ZBTB20: variants seen among roughly 807,000 people sequenced by gnomAD.
ZBTB20 encodes zinc finger and BTB domain containing 20, also known as zinc finger and BTB domain-containing protein 20.
Under a neutral mutation model 56.9 loss-of-function variants are expected in ZBTB20, and 9 were observed. The ratio of observed to expected loss-of-function variants is 0.16; its 90% CI spans 0.10 to 0.28. The LOEUF (loss-of-function observed/expected upper bound fraction) is 0.28, where lower values mean the gene tolerates loss of function less well. Among genes scored for constraint, ZBTB20 ranks in the 10% least tolerant of loss-of-function variants. The pLI is 1.00. For missense variants in ZBTB20, 655 were observed against 1,003.0 expected (o/e 0.65, Z 4.69); for synonymous variants, 417 against 420.7 (o/e 0.99, Z 0.11).
At chr3:114,550,605 A>T (rs556878473) in intron 6 of ZBTB20, among the ~76,000 whole-genome samples, 2 of 152,308 alleles carry the variant, frequency 1.3e-5, no homozygotes, top group East Asian at 3.9e-4. Context: ...GGTTGTCTTT[A>T]AAGATTCTCA....
At chr3:115,029,173 C>T (rs1312760357) in intron 2 of ZBTB20, among the ~76,000 whole-genome samples, 1 of 150,614 alleles carries the variant, frequency 6.6e-6, no homozygotes, top group Non-Finnish European at 1.5e-5. Flanking sequence ...GAAACTAACA[C>T]TACAAGAAAA....
intron 4 of ZBTB20, among the ~76,000 whole-genome samples, chr3:114,816,302 C>A (rs2072912885): frequency 6.6e-6 from 1 of 152,124 alleles, no homozygotes; most frequent in South Asian, 2.1e-4. Context: ...AATTTATTTA[C>A]ATTTTAATAA....
chr3:114,478,042 G>A (rs977265150), intron 7 of ZBTB20, among the ~76,000 whole-genome samples: 4 of 145,916 alleles, frequency 2.7e-5, no homozygotes, highest in East Asian at 2.1e-4. Flanking sequence ...GTGCAATGGC[G>A]CGATCTTGGC....
At chr3:114,728,694 C>CA (rs2065490284) in intron 5 of ZBTB20, among the ~76,000 whole-genome samples, 1 of 152,122 alleles carries the variant, frequency 6.6e-6, no homozygotes, top group South Asian at 2.1e-4. Flanking sequence ...TTTAGTTAGA[C>CA]TGAAAGAAAG....
At chr3:114,884,998 G>GA (rs2076546985) in intron 4 of ZBTB20, among the ~76,000 whole-genome samples, 1 of 152,148 alleles carries the variant, frequency 6.6e-6, no homozygotes, top group Non-Finnish European at 1.5e-5. Flanking sequence ...TCTGCTTTCA[G>GA]AAATAACAAA....
intron 2 of ZBTB20, among the ~76,000 whole-genome samples, chr3:115,063,937 T>C (rs1187920118): frequency 6.6e-6 from 1 of 152,210 alleles, no homozygotes; most frequent in Non-Finnish European, 1.5e-5. Context: ...ATCAGTGAAG[T>C]AATATTTTTG....
chr3:114,918,825 G>C (rs2075843605), intron 3 of ZBTB20, among the ~76,000 whole-genome samples: 1 of 152,160 alleles, frequency 6.6e-6, no homozygotes, highest in South Asian at 2.1e-4. Context: ...GCATTGCTTG[G>C]TGTCAGAGGA....
chr3:114,614,094 C>A (rs985523063), intron 6 of ZBTB20, among the ~76,000 whole-genome samples: 1 of 152,176 alleles, frequency 6.6e-6, no homozygotes, highest in Non-Finnish European at 1.5e-5. Context: ...TCACTCTTAA[C>A]CACACTGCTC....
rs1298253540 is a variant in ZBTB20 at position 114,546,794 on chromosome 3, C to T, written c.-294-46403G>A. On this transcript the variant is annotated intron_variant, in intron 6 of 11. Coordinates refer to ENST00000675478, the MANE Select transcript of ZBTB20 (RefSeq NM_001348800.3). ...ACTGCACAGCACTTATAGACCAACA[C>T]AAAAGTGTGTACACACAGTGTACAA... is the stretch of plus-strand genomic sequence containing the variant. Among the ~76,000 whole-genome samples the T allele has an allele frequency of 2.0e-5, 3 of 152,024 alleles. No homozygotes were observed. In the East Asian group the frequency reaches 5.8e-4, roughly 29 times the overall value.
chr3:114,560,421 C>T (rs550302060), intron 6 of ZBTB20, among the ~76,000 whole-genome samples: 1 of 152,230 alleles, frequency 6.6e-6, no homozygotes, highest in South Asian at 2.1e-4. Flanking sequence ...CTTAATCCTC[C>T]CAGCAACTAT....
chr3:114,393,956 C>A (rs539987639), intron 7 of ZBTB20, among the ~76,000 whole-genome samples: 1 of 152,270 alleles, frequency 6.6e-6, no homozygotes, highest in East Asian at 1.9e-4. Flanking sequence ...AATACACTGC[C>A]ACATATCAAT....
At position 114,503,039 on chromosome 3, in the gene ZBTB20, A is replaced by AG. The variant is rs760489326; in HGVS notation, c.-294-2649dup. On this transcript the variant is annotated intron_variant, in intron 6 of 11. Transcript: ENST00000675478. The stretch of plus-strand genomic sequence containing the variant: ...ACATAACTTTCTTTTCTAAATTTCA[A>AG]GGTGCATTTATTCATAAAATTAGTT... Among the ~76,000 whole-genome samples, 18 of 152,256 alleles carry AG rather than the reference A, an allele frequency of 1.2e-4. No individual in the cohort carries two copies. The East Asian group carries it at 3.1e-3, about 26-fold the overall frequency.
intron 5 of ZBTB20, among the ~76,000 whole-genome samples, chr3:114,704,623 G>A (rs2063599797): frequency 6.6e-6 from 1 of 152,124 alleles, no homozygotes; most frequent in Non-Finnish European, 1.5e-5. Context: ...ATACACTGTT[G>A]AATGATATGT....
intron 1 of ZBTB20, among the ~76,000 whole-genome samples, chr3:115,076,468 C>G (rs1231748518): frequency 6.6e-6 from 1 of 152,102 alleles, no homozygotes; most frequent in African/African-American, 2.4e-5. Context: ...AGGATAGTCT[C>G]GTCAACAAAT....
At chr3:114,386,695 T>A (rs2085169628) in intron 8 of ZBTB20, among the ~76,000 whole-genome samples, 1 of 152,092 alleles carries the variant, frequency 6.6e-6, no homozygotes, top group Admixed American at 6.5e-5. Flanking sequence ...CAAGAGAGCC[T>A]GGGTAATGTA....
chr3:114,658,734 C>G (rs1290944710), intron 6 of ZBTB20: 2 of 152,242 alleles, frequency 1.3e-5, no homozygotes, highest in Admixed American at 6.5e-5. Context: ...GAACCTGAGA[C>G]AGCCTGTTCA....
Position 114,324,305 on chromosome 3 carries a change from G to C in ZBTB20, c.*14700C>G, listed in dbSNP as rs933267337. The stretch of plus-strand genomic sequence containing the variant: ...GCTAAGGGGAATGGGTTCAGAAAAA[G>C]ATAAAGCTTTCCTGTTTCTTGAAAC... On this transcript the variant is annotated 3_prime_UTR_variant, in exon 12 of 12. Transcript: ENST00000675478. 1 of 152,164 alleles carries C rather than the reference G, an allele frequency of 6.6e-6. No homozygotes were observed. Among genetic ancestry groups the C allele is most frequent in the Non-Finnish European group, 1.5e-5 (1 of 68,004 alleles). The allele number at this position is 152,164 out of a possible 1,614,324, so 9.4% of individuals were successfully genotyped here.
At chr3:114,651,550 TA>T (rs57059379) in intron 6 of ZBTB20, among the ~76,000 whole-genome samples, 6,939 of 91,336 alleles carry the variant, frequency 0.076, 236 homozygotes, top group Admixed American at 0.13. Context: ...GGTTGGATAG[TA>T]AAAAAAAAAA....
intron 1 of ZBTB20, among the ~76,000 whole-genome samples, chr3:115,142,566 A>G (rs893261401): frequency 2.6e-5 from 4 of 151,586 alleles, no homozygotes; most frequent in Non-Finnish European, 5.9e-5. Flanking sequence ...CAGGAGACTG[A>G]GGCAGGAGAA....
Sources: gnomAD v4.1 joint callset for allele counts (sites outside exome capture counted in the v4.1 genomes callset) on GRCh38, gnomAD v4.1.1 for gene constraint, MANE v1.5 for transcripts, NCBI Gene and HGNC (gene_info 2026-07-23, HGNC 2026-07-21) for gene names.